The following AFF3 variants were observed in gnomAD, a reference collection of about 807,000 sequenced individuals.
AFF3 encodes ALF transcription elongation factor 3, also known as AF4/FMR2 family member 3.
AFF3 carries 32 observed loss-of-function variants against 129.7 expected under a neutral mutation model. The observed-to-expected ratio is 0.25, with a 90% CI of 0.19 to 0.33. AFF3 has a LOEUF of 0.33. Among genes scored for constraint, AFF3 ranks in the 10% least tolerant of loss-of-function variants. The pLI is 1.00. For missense variants in AFF3, 1,373 were observed against 1,592.0 expected (o/e 0.86, Z 2.34); for synonymous variants, 644 against 635.4 (o/e 1.01, Z -0.20).
intron 11 of AFF3, among the ~76,000 whole-genome samples, chr2:99,716,971 G>T (rs2104915598): frequency 6.6e-6 from 1 of 151,970 alleles, no homozygotes; most frequent in Admixed American, 6.5e-5. Flanking sequence ...CCTTTTTCTT[G>T]AACTTCACAT....
At chr2:99,694,914 G>C (rs575757550) in intron 11 of AFF3, among the ~76,000 whole-genome samples, 96 of 151,964 alleles carry the variant, frequency 6.3e-4, no homozygotes, top group Admixed American at 5.2e-3. Flanking sequence ...TATGTTCGTC[G>C]GGCTAGTCTC....
chr2:99,561,786 C>T (rs1471158799), intron 20 of AFF3, among the ~76,000 whole-genome samples: 1 of 151,648 alleles, frequency 6.6e-6, no homozygotes, highest in Non-Finnish European at 1.5e-5. Flanking sequence ...CCCAATGCTC[C>T]CATATTCCTT....
intron 8 of AFF3, among the ~76,000 whole-genome samples, chr2:99,831,166 T>C (rs867022074): frequency 2.6e-5 from 4 of 152,368 alleles, no homozygotes; most frequent in East Asian, 3.9e-4. Context: ...ATTGGGTTTT[T>C]TTCTCATCAA....
rs374115973 is a variant in AFF3 at position 99,939,082 on chromosome 2, T to G, written c.873+67550A>C. 3.9e-5 allele frequency among the ~76,000 whole-genome samples: 6 copies of G among 152,360 alleles called. No homozygotes were observed. The South Asian group carries it at 1.2e-3, about 32-fold the overall frequency. ...AGCACTGTTGCTCTCTCTCTCTTGG[T>G]CTGACATATCCTATTAATCTAATAC... On this transcript the variant is annotated intron_variant, in intron 7 of 24. Coordinates refer to ENST00000672756, the MANE Select transcript of AFF3 (RefSeq NM_001386135.1).
chr2:100,022,250 C>T (rs1683650737), intron 4 of AFF3, among the ~76,000 whole-genome samples: 1 of 152,124 alleles, frequency 6.6e-6, no homozygotes, highest in Non-Finnish European at 1.5e-5. Flanking sequence ...TTACTTGATT[C>T]CCTAGAACAT....
intron 8 of AFF3, among the ~76,000 whole-genome samples, chr2:99,755,654 T>C (rs1682037545): frequency 6.6e-6 from 1 of 152,122 alleles, no homozygotes; most frequent in Non-Finnish European, 1.5e-5. Context: ...TTCTTCTGAG[T>C]CCATCTCTGC....
chr2:99,569,066 C>CT (rs1270226832), intron 18 of AFF3, 151 bp from the exon 19 acceptor site: 2 of 685,344 alleles, frequency 2.9e-6, no homozygotes, highest in African/African-American at 3.6e-5. Flanking sequence ...AAACTACTGC[C>CT]TGTATGTCAA....
intron 18 of AFF3, among the ~76,000 whole-genome samples, chr2:99,571,531 C>T (rs1372959476): frequency 6.6e-6 from 1 of 152,136 alleles, no homozygotes; most frequent in Non-Finnish European, 1.5e-5. Flanking sequence ...CAGACTCTCA[C>T]CATAGCACAT....
intron 13 of AFF3, among the ~76,000 whole-genome samples, chr2:99,639,972 T>C (rs973862921): frequency 6.6e-6 from 1 of 152,052 alleles, no homozygotes; most frequent in Non-Finnish European, 1.5e-5. Context: ...CGTTAGCCAC[T>C]GCACCCGGCC....
chr2:99,771,312 G>A (rs1575930238), intron 8 of AFF3, among the ~76,000 whole-genome samples: 1 of 151,894 alleles, frequency 6.6e-6, no homozygotes, highest in Non-Finnish European at 1.5e-5. Context: ...TAATATCTGG[G>A]TGATGAGTTG....
chr2:100,060,581 T>TTTTTTTAAAA (rs1394583327), intron 4 of AFF3, among the ~76,000 whole-genome samples: 1 of 152,148 alleles, frequency 6.6e-6, no homozygotes, highest in African/African-American at 2.4e-5. Flanking sequence ...TTTAAATATT[T>TTTTTTTAAAA]ATTTTTATTT....
At chr2:99,642,509 T>C (rs531640846) in intron 13 of AFF3, among the ~76,000 whole-genome samples, 2 of 152,334 alleles carry the variant, frequency 1.3e-5, no homozygotes, top group African/African-American at 2.4e-5. Context: ...TTATTTCCTC[T>C]TTTAAGCCCA....
At chr2:99,891,678 C>T (rs1334073001) in intron 7 of AFF3, among the ~76,000 whole-genome samples, 5 of 152,146 alleles carry the variant, frequency 3.3e-5, no homozygotes, top group Admixed American at 2.6e-4. Flanking sequence ...CCTCACTGTG[C>T]GAGGCGATAC....
At chr2:99,712,556 C>G (rs1393436987) in intron 11 of AFF3, among the ~76,000 whole-genome samples, 1 of 152,188 alleles carries the variant, frequency 6.6e-6, no homozygotes, top group African/African-American at 2.4e-5. Flanking sequence ...TGAACAGGGG[C>G]TGACAAAAGT....
chr2:100,012,020 G>C (rs1291173779), intron 4 of AFF3, among the ~76,000 whole-genome samples: 1 of 152,098 alleles, frequency 6.6e-6, no homozygotes, highest in Non-Finnish European at 1.5e-5. Flanking sequence ...AAAGCATCCA[G>C]ATTGCTAGAT....
chr2:99,807,648 T>A (rs898956897), intron 8 of AFF3, among the ~76,000 whole-genome samples: 1 of 152,216 alleles, frequency 6.6e-6, no homozygotes, highest in Non-Finnish European at 1.5e-5. Flanking sequence ...CAGGCCTCAA[T>A]TGGCCTAACT....
At chr2:99,568,034 G>T (rs1449696561) in intron 19 of AFF3, among the ~76,000 whole-genome samples, 1 of 152,168 alleles carries the variant, frequency 6.6e-6, no homozygotes, top group Non-Finnish European at 1.5e-5. Flanking sequence ...ATAGGCAGTG[G>T]TCTTCACGTA....
Position 99,615,459 on chromosome 2 carries a change from T to C in AFF3, c.1185-13838A>G, listed in dbSNP as rs114604096. Among the ~76,000 whole-genome samples, 73 of 152,352 alleles carry C rather than the reference T, an allele frequency of 4.8e-4. 1 individual carries two copies. The highest frequency in any genetic ancestry group is 1.7e-3 in the African/African-American group (72 of 41,580). ...AGGCGGGTGGTACCACTAGAGACAC[T>C]GAGTTGAAAAGCCCTTCTTGGCCCA... is the stretch of plus-strand genomic sequence containing the variant. On this transcript the variant is annotated intron_variant, in intron 13 of 24. Coordinates refer to ENST00000672756, the MANE Select transcript of AFF3 (RefSeq NM_001386135.1).
intron 15 of AFF3, among the ~76,000 whole-genome samples, chr2:99,591,877 G>A (rs968507723): frequency 2.6e-5 from 4 of 152,106 alleles, no homozygotes; most frequent in African/African-American, 4.8e-5. Flanking sequence ...TTCCCTCTCC[G>A]TAAAATGGGT....
Sources: allele counts gnomAD v4.1 joint callset (sites outside exome capture counted in the v4.1 genomes callset), GRCh38; gene constraint gnomAD v4.1.1; transcripts MANE v1.5; gene names NCBI Gene and HGNC (gene_info 2026-07-23, HGNC 2026-07-21).